The following C1orf21 variants were observed in gnomAD, a reference collection of about 807,000 sequenced individuals.
C1orf21 encodes chromosome 1 open reading frame 21, also known as uncharacterized protein C1orf21.
C1orf21 carries 3 observed loss-of-function variants against 18.7 expected under a neutral mutation model. That is an observed-to-expected ratio of 0.16 (90% confidence interval 0.07 to 0.42). C1orf21 has a LOEUF of 0.42. Among genes scored for constraint, C1orf21 ranks in the 10% least tolerant of loss-of-function variants. C1orf21 has a pLI of 0.99. For missense variants in C1orf21, 104 were observed against 143.6 expected, an observed-to-expected ratio of 0.72 and a Z score of 1.41; for synonymous variants, 41 against 46.4, an observed-to-expected ratio of 0.88 and a Z score of 0.47.
chr1:184,430,425 C>A (rs1335289549), intron 1 of C1orf21, among the ~76,000 whole-genome samples: 1 of 152,108 alleles, frequency 6.6e-6, no homozygotes, highest in Non-Finnish European at 1.5e-5. Context: ...TTCTTTTCTG[C>A]CAACTATTAA....
At chr1:184,499,329 T>C (rs551666943) in intron 2 of C1orf21, among the ~76,000 whole-genome samples, 22 of 152,330 alleles carry the variant, frequency 1.4e-4, no homozygotes, top group African/African-American at 5.1e-4. Flanking sequence ...AATTACCATA[T>C]ATTGGAGAAA....
chr1:184,436,293 G>A (rs561404051), intron 1 of C1orf21, among the ~76,000 whole-genome samples: 5 of 152,196 alleles, frequency 3.3e-5, no homozygotes, highest in South Asian at 4.2e-4. Context: ...CTTATTTTAC[G>A]GCATCTCTTT....
chr1:184,465,270 G>A (rs1657373120), intron 1 of C1orf21, among the ~76,000 whole-genome samples: 12 of 152,136 alleles, frequency 7.9e-5, no homozygotes. Context: ...TTTATTAGAA[G>A]TAAAATTTTT....
intron 1 of C1orf21, among the ~76,000 whole-genome samples, chr1:184,431,715 A>C (rs552641113): frequency 6.6e-6 from 1 of 152,188 alleles, no homozygotes; most frequent in Non-Finnish European, 1.5e-5. Flanking sequence ...TTTGCAATCT[A>C]TCCATCTTAC....
At chr1:184,505,494 G>T (rs1254569906) in intron 2 of C1orf21, among the ~76,000 whole-genome samples, 1 of 151,628 alleles carries the variant, frequency 6.6e-6, no homozygotes, top group Non-Finnish European at 1.5e-5. Context: ...CAGGCATGAT[G>T]GCTCACGCCT....
chr1:184,508,845 T>C (rs893398685), intron 3 of C1orf21, among the ~76,000 whole-genome samples: 1 of 152,186 alleles, frequency 6.6e-6, no homozygotes, highest in Non-Finnish European at 1.5e-5. Flanking sequence ...TATTTTAACA[T>C]TAACACTTAA....
chr1:184,534,664 G>C (rs1658520010), intron 3 of C1orf21, among the ~76,000 whole-genome samples: 1 of 151,942 alleles, frequency 6.6e-6, no homozygotes, highest in African/African-American at 2.4e-5. Context: ...TGTGTGCCAA[G>C]AACCGTCCCA....
At chr1:184,462,056 T>G (rs1657314265) in intron 1 of C1orf21, among the ~76,000 whole-genome samples, 1 of 152,058 alleles carries the variant, frequency 6.6e-6, no homozygotes, top group Non-Finnish European at 1.5e-5. Flanking sequence ...AGGACATGGG[T>G]CTTTCTTTTA....
chr1:184,452,933 G>T (rs1015332428), intron 1 of C1orf21, among the ~76,000 whole-genome samples: 2 of 152,018 alleles, frequency 1.3e-5, no homozygotes, highest in Non-Finnish European at 2.9e-5. Flanking sequence ...GTTGTCCCTG[G>T]TATCATGAGG....
intron 1 of C1orf21, among the ~76,000 whole-genome samples, chr1:184,410,437 G>A (rs2101961308): frequency 6.7e-6 from 1 of 150,154 alleles, no homozygotes; most frequent in East Asian, 2.0e-4. Flanking sequence ...TTGTTTCCAG[G>A]TGGACATATT....
At chr1:184,447,106 G>A (rs1657046889) in intron 1 of C1orf21, among the ~76,000 whole-genome samples, 1 of 152,190 alleles carries the variant, frequency 6.6e-6, no homozygotes, top group South Asian at 2.1e-4. Context: ...TCTAATCACT[G>A]TAGAGGCTCT....
At chr1:184,412,452 T>A (rs1158646847) in intron 1 of C1orf21, 1 of 152,188 alleles carries the variant, frequency 6.6e-6, no homozygotes, top group Non-Finnish European at 1.5e-5. Flanking sequence ...ACAAAAATGG[T>A]GTATGGATCA....
At chr1:184,593,843 A>G (rs1044362695) in intron 4 of C1orf21, among the ~76,000 whole-genome samples, 18 of 152,262 alleles carry the variant, frequency 1.2e-4, no homozygotes, top group Non-Finnish European at 1.9e-4. Context: ...AATGGGCCCT[A>G]GCAGTCTAAT....
At chr1:184,452,817 T>G (rs575245722) in intron 1 of C1orf21, among the ~76,000 whole-genome samples, 32 of 152,290 alleles carry the variant, frequency 2.1e-4, no homozygotes, top group African/African-American at 7.7e-4. Flanking sequence ...TTGAGCTCTC[T>G]CTGTCTTTCT....
intron 1 of C1orf21, among the ~76,000 whole-genome samples, chr1:184,435,141 T>C (rs1246687328): frequency 6.6e-6 from 1 of 152,148 alleles, no homozygotes; most frequent in Non-Finnish European, 1.5e-5. Context: ...AGAACAATTC[T>C]CTGGGTTTGG....
intron 5 of C1orf21, among the ~76,000 whole-genome samples, chr1:184,600,431 T>A (rs10465490): frequency 0.011 from 1,663 of 152,280 alleles, 34 homozygotes; most frequent in African/African-American, 0.038. Flanking sequence ...CCTCCCAAAG[T>A]GCTGGGATTA....
intron 1 of C1orf21, among the ~76,000 whole-genome samples, chr1:184,451,230 A>G (rs893206541): frequency 1.7e-4 from 26 of 152,062 alleles, no homozygotes; most frequent in African/African-American, 6.0e-4. Flanking sequence ...TATAAAAATA[A>G]TTGCCATGTC....
intron 5 of C1orf21, among the ~76,000 whole-genome samples, chr1:184,613,455 C>A (rs571067168): frequency 6.6e-6 from 1 of 152,192 alleles, no homozygotes; most frequent in African/African-American, 2.4e-5. Flanking sequence ...TGCCCCTCTC[C>A]TAAGTTCCAA....
At chr1:184,602,795 T>C (rs999224899) in intron 5 of C1orf21, among the ~76,000 whole-genome samples, 2 of 152,220 alleles carry the variant, frequency 1.3e-5, no homozygotes, top group Non-Finnish European at 2.9e-5. Context: ...GTATCTGCAA[T>C]AATAGTATCT....
Sources: allele counts gnomAD v4.1 joint callset (sites outside exome capture counted in the v4.1 genomes callset), GRCh38; gene constraint gnomAD v4.1.1; transcripts MANE v1.5; gene names NCBI Gene and HGNC (gene_info 2026-07-23, HGNC 2026-07-21).